The following CYTH4 variants were observed in gnomAD, a reference collection of about 807,000 sequenced individuals.
CYTH4 encodes cytohesin 4.
CYTH4 carries 22 observed loss-of-function variants against 57.5 expected under a neutral mutation model. The observed-to-expected ratio is 0.38, with a 90% CI of 0.27 to 0.55. The LOEUF is 0.55. Ranked by LOEUF, CYTH4 falls within the 20% of genes least tolerant of loss-of-function variation. CYTH4 has a pLI of 0.74. For missense variants in CYTH4, 420 were observed against 535.6 expected (o/e 0.78, Z 2.13); for synonymous variants, 186 against 206.5 (o/e 0.90, Z 0.85).
chr22:37,295,853 C>T lies in CYTH4; in HGVS notation c.168-146C>T. On this transcript the variant is annotated intron_variant, in intron 3 of 12. Transcript: ENST00000248901. This position sits in a 1 kb window ranked among gnomAD's most constrained non-coding sequence, Gnocchi z 4.1. ...CAGGCCTTGCACTGCTCTCTCCCGC[C>T]CAGGTGGTTCCCATGCAGGACCCGG... 2 of 774,414 alleles carry T rather than the reference C, an allele frequency of 2.6e-6. No homozygotes were observed. Among genetic ancestry groups the T allele is most frequent in the South Asian group, 3.2e-5 (2 of 63,298 alleles). The allele number at this position is 774,414 out of a possible 1,614,324, so 48.0% of individuals were successfully genotyped here.
Position 37,297,660 on chromosome 22 carries a change from A to G in CYTH4, c.331A>G (p.Ile111Val), listed in dbSNP as rs1306456559. The change falls in exon 5 of 13, where the codon ATT becomes GTT. Residue 111 changes from isoleucine to valine, a missense_variant. Coordinates refer to ENST00000248901, the MANE Select transcript of CYTH4 (RefSeq NM_013385.5). ...YKGEGLNKTAIGTYLGERDPI... is the reference protein window; with the variant it reads ...YKGEGLNKTAVGTYLGERDPI... ...AGGCGAGGGCCTCAACAAGACAGCCATTGGTACCTACCTGGGGGAGAGGTA... is the reference window on the plus strand; with the variant it reads ...AGGCGAGGGCCTCAACAAGACAGCCGTTGGTACCTACCTGGGGGAGAGGTA... 1.2e-6 allele frequency: 2 copies of G among 1,613,864 alleles called. No individual in the cohort carries two copies. Among genetic ancestry groups the G allele is most frequent in the Non-Finnish European group, 1.7e-6 (2 of 1,179,784 alleles).
intron 8 of CYTH4, among the ~76,000 whole-genome samples, chr22:37,308,754 A>G (rs1177092246): frequency 4.7e-5 from 7 of 149,112 alleles, no homozygotes; most frequent in East Asian, 4.0e-4. Context: ...ATGTGTGTGC[A>G]TGTATGTGTG....
Position 37,299,213 on chromosome 22 carries a change from C to A in CYTH4, c.354-13C>A. 1.9e-6 allele frequency: 3 copies of A among 1,595,788 alleles called. No individual in the cohort carries two copies. The highest frequency in any genetic ancestry group is 2.6e-6 in the Non-Finnish European group (3 of 1,164,338). ...CAAGTGTGTCCCACCCTCCCTTCCG[C>A]CTCCTCCCCCAGGGATCCCATCAAC... On this transcript the variant is annotated splice_polypyrimidine_tract_variant and intron_variant, in intron 5 of 12. Coordinates refer to ENST00000248901, the MANE Select transcript of CYTH4 (RefSeq NM_013385.5).
At position 37,313,661 on chromosome 22, in the gene CYTH4, G is replaced by A. The variant is rs921463618; in HGVS notation, c.*150G>A. 1 of 744,152 alleles carries A rather than the reference G, an allele frequency of 1.3e-6. No homozygotes were observed. Among genetic ancestry groups the A allele is most frequent in the African/African-American group, 1.7e-5 (1 of 57,384 alleles). The allele number at this position is 744,152 out of a possible 1,614,324, so 46.1% of individuals were successfully genotyped here. A position where few individuals can be genotyped will look rare whatever the true frequency, so the allele number is the denominator to read the frequency against. On this transcript the variant is annotated 3_prime_UTR_variant, in exon 13 of 13. Coordinates refer to ENST00000248901, the MANE Select transcript of CYTH4 (RefSeq NM_013385.5). ...CCTCGAGCTGACTCTAGAGGGGAAG[G>A]CAGAGCTCAGGAGGGTGGGTGGGAG...
intron 8 of CYTH4, 106 bp downstream of exon 8, chr22:37,303,508 T>A (rs1929274515): frequency 2.1e-6 from 3 of 1,419,306 alleles, no homozygotes; most frequent in South Asian, 1.5e-5. Flanking sequence ...CAGCCCCCAG[T>A]GGGGACTCTG....
At position 37,314,113 on chromosome 22, in the gene CYTH4, GCTCTGC is replaced by G. The variant is rs1929759774; in HGVS notation, c.*608_*613del. ...CCCGGACCCCACGAGCTCAGTCCCA[GCTCTGC>G]CTCTGACTCGCTGTGTGCCCTCTGC... is the stretch of plus-strand genomic sequence containing the variant. On this transcript the variant is annotated 3_prime_UTR_variant, in exon 13 of 13. Coordinates refer to ENST00000248901, the MANE Select transcript of CYTH4 (RefSeq NM_013385.5). 1 of 362,794 alleles carries G rather than the reference GCTCTGC, an allele frequency of 2.8e-6. No homozygotes were observed. The highest frequency in any genetic ancestry group is 4.6e-5 in the Admixed American group (1 of 21,698). The allele number at this position is 362,794 out of a possible 1,614,324, so 22.5% of individuals were successfully genotyped here.
chr22:37,301,090 C>A, intron 7 of CYTH4, 71 bp downstream of exon 7: 2 of 1,370,122 alleles, frequency 1.5e-6, no homozygotes, highest in Admixed American at 4.0e-5. Flanking sequence ...TTTCACAGAC[C>A]CCCTCAGGTT....
rs374717375 is a variant in CYTH4 at position 37,282,542 on chromosome 22, G to A, written c.-28G>A. 75 of 1,613,676 alleles carry A rather than the reference G, an allele frequency of 4.6e-5. No individual in the cohort carries two copies. The highest frequency in any genetic ancestry group is 2.5e-4 in the South Asian group (23 of 91,046). ...CTGGGTCGGCAAGCGACAGGAGCAC[G>A]GGTCATCTTTTCCCCAGAGGCGTCG... On this transcript the variant is annotated 5_prime_UTR_variant, in exon 1 of 13. Transcript: ENST00000248901.
At position 37,314,358 on chromosome 22, in the gene CYTH4, GA is replaced by G. The variant is rs1269703802; in HGVS notation, c.*848del. The stretch of plus-strand genomic sequence containing the variant: ...CCATTTCGGGGAGAGGAGCAGGTGG[GA>G]CCCTCAAGAAAATGACGGAGAACAT... On this transcript the variant is annotated 3_prime_UTR_variant, in exon 13 of 13. Coordinates refer to ENST00000248901, the MANE Select transcript of CYTH4 (RefSeq NM_013385.5). 7.5e-6 allele frequency: 3 copies of G among 398,576 alleles called. No homozygotes were observed. The highest frequency in any genetic ancestry group is 6.2e-5 in the African/African-American group (3 of 48,588). 24.7% of individuals were successfully genotyped at this position (398,576 alleles called of 1,614,324 possible). A position where few individuals can be genotyped will look rare whatever the true frequency, so the allele number is the denominator to read the frequency against.
At chr22:37,310,942 G>T (rs769431359) in intron 9 of CYTH4, 46 bp from the exon 10 acceptor site, 5 of 1,601,532 alleles carry the variant, frequency 3.1e-6, no homozygotes, top group Middle Eastern at 1.7e-4. Context: ...AGGTGTCAGT[G>T]GCCCAGGAGG....
intron 8 of CYTH4, among the ~76,000 whole-genome samples, chr22:37,305,514 A>G (rs972323910): frequency 2.0e-5 from 3 of 152,178 alleles, no homozygotes; most frequent in Non-Finnish European, 4.4e-5. Context: ...ATTAGTGCAG[A>G]AGTGTAAGGT....
intron 9 of CYTH4, chr22:37,310,126 G>A (rs939425308): frequency 1.7e-4 from 71 of 408,878 alleles, no homozygotes; most frequent in African/African-American, 4.8e-4. Context: ...ACCAAGCCCC[G>A]TGCCAGTCCT....
At chr22:37,310,584 A>G (rs183499751) in intron 9 of CYTH4, among the ~76,000 whole-genome samples, 96 of 152,304 alleles carry the variant, frequency 6.3e-4, no homozygotes, top group African/African-American at 2.3e-3. Context: ...GGTTGTGAGG[A>G]TTAATAAGTA....
At position 37,298,781 on chromosome 22, in the gene CYTH4, G is replaced by A. The variant is rs1929071031; in HGVS notation, c.354-445G>A. Among the ~76,000 whole-genome samples the A allele has an allele frequency of 6.6e-6, 1 of 152,120 alleles. No homozygotes were observed. Among genetic ancestry groups the A allele is most frequent in the Non-Finnish European group, 1.5e-5 (1 of 68,018 alleles). Reference sequence around the variant, plus strand: ...CACCCCTCCCTCCCGCGGTGAGCAGGGGATGCAGACGGTGAGAAGGGCACC... The same window carrying A: ...CACCCCTCCCTCCCGCGGTGAGCAGAGGATGCAGACGGTGAGAAGGGCACC... On this transcript the variant is annotated intron_variant, in intron 5 of 12. Transcript: ENST00000248901. This position sits in a 1 kb window ranked among gnomAD's most constrained non-coding sequence, Gnocchi z 4.1.
rs375552161 is a variant in CYTH4, at chr22:37,292,537, G to A, written c.20-84G>A. 179 of 1,426,418 alleles carry A rather than the reference G, an allele frequency of 1.3e-4. 1 individual carries two copies. The East Asian group carries it at 1.7e-3, about 13-fold the overall frequency. The allele number at this position is 1,426,418 out of a possible 1,614,324, so 88.4% of individuals were successfully genotyped here. ...TGAATAGGGCAAGTCCTGGGTTTCC[G>A]GAGGGAAGGGGGCCCTGCAGAAGTG... On this transcript the variant is annotated intron_variant, in intron 1 of 12. Coordinates refer to ENST00000248901, the MANE Select transcript of CYTH4 (RefSeq NM_013385.5).
In CYTH4 at chr22:37,311,348, G is replaced by T. The variant is rs1487249836; in HGVS notation, c.886-108G>T. The T allele has an allele frequency of 6.9e-6, 7 of 1,008,492 alleles. No individual in the cohort carries two copies. Among genetic ancestry groups the T allele is most frequent in the Non-Finnish European group, 9.3e-6 (6 of 647,688 alleles). The allele number at this position is 1,008,492 out of a possible 1,614,324, so 62.5% of individuals were successfully genotyped here. A position where few individuals can be genotyped will look rare whatever the true frequency, so the allele number is the denominator to read the frequency against. Reference sequence around the variant, plus strand: ...CCCCTATGACTGGACAGTCTCGGAAGATGAGCACGCTCCTCTTTGAGTTTG... The same window carrying T: ...CCCCTATGACTGGACAGTCTCGGAATATGAGCACGCTCCTCTTTGAGTTTG... On this transcript the variant is annotated intron_variant, in intron 10 of 12. Transcript: ENST00000248901. This position sits in a 1 kb window ranked among gnomAD's most constrained non-coding sequence, Gnocchi z 4.4.
chr22:37,287,088 AG>A (rs770856521), intron 1 of CYTH4, among the ~76,000 whole-genome samples: 2 of 151,988 alleles, frequency 1.3e-5, no homozygotes, highest in Non-Finnish European at 2.9e-5. Flanking sequence ...GATGGGGAGG[AG>A]GGGGCATTCT....
At chr22:37,284,845 G>C (rs1300943126) in intron 1 of CYTH4, among the ~76,000 whole-genome samples, 3 of 152,234 alleles carry the variant, frequency 2.0e-5, no homozygotes, top group African/African-American at 7.2e-5. Context: ...GAAGGTGAGA[G>C]GGCCAGACAG....
chr22:37,310,846 T>G, intron 9 of CYTH4, 142 bp from the exon 10 acceptor site: 1 of 742,718 alleles, frequency 1.3e-6, no homozygotes, highest in Non-Finnish European at 2.3e-6. Context: ...GGGATAGATG[T>G]TGGGGGGAGG....
Sources: gnomAD v4.1 joint callset for allele counts (sites outside exome capture counted in the v4.1 genomes callset) on GRCh38, gnomAD v4.1.1 for gene constraint, Gnocchi (gnomAD v3.1) non-coding constraint, MANE v1.5 for transcripts, NCBI Gene and HGNC (gene_info 2026-07-23, HGNC 2026-07-21) for gene names.